Variants in EHBP1 observed in about 807,000 individuals in gnomAD.
EHBP1 encodes EH domain binding protein 1.
In EHBP1, 55 loss-of-function variants were observed where a neutral mutation model predicts 144.0. The ratio of observed to expected loss-of-function variants is 0.38; its 90% CI spans 0.31 to 0.48. The LOEUF is 0.48. EHBP1 is among the 20% of genes least tolerant of loss of function. The pLI, the probability that EHBP1 is intolerant of heterozygous loss-of-function variation, is 0.98. For missense variants in EHBP1, 1,200 were observed against 1,364.2 expected (o/e 0.88, Z 1.90); for synonymous variants, 469 against 472.7 (o/e 0.99, Z 0.10).
chr2:62,699,999 G>T (rs1228936028), intron 1 of EHBP1, among the ~76,000 whole-genome samples: 1 of 152,162 alleles, frequency 6.6e-6, no homozygotes, highest in Non-Finnish European at 1.5e-5. Context: ...GCAATCTTAG[G>T]TTCAATGTGC....
chr2:62,909,822 A>G (rs1161093969), intron 10 of EHBP1, among the ~76,000 whole-genome samples: 3 of 152,114 alleles, frequency 2.0e-5, no homozygotes, highest in Non-Finnish European at 2.9e-5. Flanking sequence ...CAGTGGCGCA[A>G]TATTGGCTCA....
intron 2 of EHBP1, among the ~76,000 whole-genome samples, chr2:62,723,710 A>G (rs903257808): frequency 6.6e-6 from 1 of 152,192 alleles, no homozygotes; most frequent in Non-Finnish European, 1.5e-5. Flanking sequence ...TTATGTGGAA[A>G]GGATTTTATT....
At chr2:62,680,401 TC>T (rs1277834858) in intron 1 of EHBP1, among the ~76,000 whole-genome samples, 1 of 152,242 alleles carries the variant, frequency 6.6e-6, no homozygotes, top group Admixed American at 6.5e-5. Flanking sequence ...GTTTTAATTT[TC>T]TTTTTAATCA....
chr2:62,837,311 G>A (rs1303875636), intron 7 of EHBP1, among the ~76,000 whole-genome samples: 65 of 142,342 alleles, frequency 4.6e-4, no homozygotes, highest in African/African-American at 1.6e-3. Flanking sequence ...TCACCACCAG[G>A]CCTGCCCTAA....
intron 10 of EHBP1, among the ~76,000 whole-genome samples, chr2:62,901,458 T>C (rs1046505850): frequency 6.6e-6 from 1 of 152,050 alleles, no homozygotes; most frequent in Non-Finnish European, 1.5e-5. Context: ...TTTATTGGAA[T>C]TGGGAACGTT....
At chr2:62,935,360 T>C (rs1195701971) in intron 10 of EHBP1, among the ~76,000 whole-genome samples, 4 of 147,970 alleles carry the variant, frequency 2.7e-5, no homozygotes, top group Admixed American at 1.3e-4. Context: ...TATATATATA[T>C]ATATATCCAT....
chr2:63,006,236 G>T (rs368509755), intron 19 of EHBP1, among the ~76,000 whole-genome samples: 1 of 151,698 alleles, frequency 6.6e-6, no homozygotes, highest in Admixed American at 6.6e-5. Context: ...GTCCTTTTGT[G>T]GTAAGTTGAT....
At chr2:62,754,143 G>A (rs1220239903) in intron 3 of EHBP1, among the ~76,000 whole-genome samples, 1 of 152,126 alleles carries the variant, frequency 6.6e-6, no homozygotes, top group East Asian at 1.9e-4. Context: ...TTCGGTCTTT[G>A]ATGATGGTGA....
At chr2:62,835,371 G>A (rs1436829289) in intron 7 of EHBP1, among the ~76,000 whole-genome samples, 2 of 152,076 alleles carry the variant, frequency 1.3e-5, no homozygotes, top group African/African-American at 2.4e-5. Flanking sequence ...TAACTTAGAA[G>A]GTATATAACC....
intron 10 of EHBP1, among the ~76,000 whole-genome samples, chr2:62,886,513 AT>A (rs142098126): frequency 5.3e-5 from 8 of 149,682 alleles, no homozygotes; most frequent in African/African-American, 9.8e-5. Flanking sequence ...ATTGGTTAGT[AT>A]TTTTTTTTTG....
chr2:62,690,743 A>G (rs568796869), intron 1 of EHBP1, among the ~76,000 whole-genome samples: 6 of 152,288 alleles, frequency 3.9e-5, no homozygotes, highest in South Asian at 2.1e-4. Flanking sequence ...AACTAACCAT[A>G]TGGATTTAGT....
intron 16 of EHBP1, among the ~76,000 whole-genome samples, chr2:62,991,695 T>C (rs546699033): frequency 7.4e-4 from 112 of 152,342 alleles, no homozygotes; most frequent in Non-Finnish European, 8.8e-4. Flanking sequence ...GTTTCCCTGC[T>C]TTCCTCACAG....
chr2:62,698,028 CT>C (rs770816482), intron 1 of EHBP1, among the ~76,000 whole-genome samples: 1 of 152,176 alleles, frequency 6.6e-6, no homozygotes, highest in African/African-American at 2.4e-5. Context: ...TGACAAGTCA[CT>C]GCAGGATTTT....
chr2:62,814,958 A>C (rs1053253966), intron 5 of EHBP1, among the ~76,000 whole-genome samples: 1 of 152,208 alleles, frequency 6.6e-6, no homozygotes, highest in Non-Finnish European at 1.5e-5. Flanking sequence ...AATAGCTAAA[A>C]ATAGGTACAA....
chr2:62,723,325 A>G (rs1254541858), intron 2 of EHBP1, among the ~76,000 whole-genome samples: 1 of 151,766 alleles, frequency 6.6e-6, no homozygotes, highest in African/African-American at 2.4e-5. Flanking sequence ...TCTGTTTTCT[A>G]TTAGCCCTGT....
intron 15 of EHBP1, among the ~76,000 whole-genome samples, chr2:62,986,686 C>G (rs2153219649): frequency 6.6e-6 from 1 of 152,208 alleles, no homozygotes; most frequent in African/African-American, 2.4e-5. Context: ...ATCCACCTGC[C>G]TCAGCCTCCC....
At chr2:62,895,263 A>G (rs2052804896) in intron 10 of EHBP1, among the ~76,000 whole-genome samples, 2 of 151,034 alleles carry the variant, frequency 1.3e-5, no homozygotes, top group Non-Finnish European at 2.9e-5. Context: ...GATGCATTTT[A>G]CTGTATGTAA....
chr2:62,824,197 C>T (rs1385603153), intron 5 of EHBP1, among the ~76,000 whole-genome samples: 1 of 151,874 alleles, frequency 6.6e-6, no homozygotes, highest in African/African-American at 2.4e-5. Flanking sequence ...AAATTATGCT[C>T]ATTTCTAAGT....
At position 63,046,292 on chromosome 2, in the gene EHBP1, A is replaced by G. The variant is rs1172404673; in HGVS notation, c.*792A>G. 1 of 152,668 alleles carries G rather than the reference A, an allele frequency of 6.6e-6. No individual in the cohort carries two copies. Among genetic ancestry groups the G allele is most frequent in the African/African-American group, 2.4e-5 (1 of 41,448 alleles). 9.5% of individuals were successfully genotyped at this position (152,668 alleles called of 1,614,324 possible). A position where few individuals can be genotyped will look rare whatever the true frequency, so the allele number is the denominator to read the frequency against. ...TTCCTACATTTTGTTGGGTCTCAAC[A>G]TTGGCTCACGAATGCTGTTAATATT... On this transcript the variant is annotated 3_prime_UTR_variant, in exon 23 of 23. Transcript: ENST00000431489.
Sources: gnomAD v4.1 joint callset for allele counts (sites outside exome capture counted in the v4.1 genomes callset) on GRCh38, gnomAD v4.1.1 for gene constraint, MANE v1.5 for transcripts, NCBI Gene and HGNC (gene_info 2026-07-23, HGNC 2026-07-21) for gene names.